The following DAZL variants were observed in gnomAD, a reference collection of about 807,000 sequenced individuals.
DAZL encodes deleted in azoospermia like.
Under a neutral mutation model 45.0 loss-of-function variants are expected in DAZL, and 4 were observed. The observed-to-expected ratio is 0.09, with a 90% CI of 0.04 to 0.20. The LOEUF (loss-of-function observed/expected upper bound fraction) is 0.20. Among genes scored for constraint, DAZL ranks in the 10% least tolerant of loss-of-function variants. DAZL has a pLI of 1.00. For synonymous variants in DAZL, 122 were observed against 112.4 expected (o/e 1.09, Z -0.54); for missense variants, 326 against 351.3 (o/e 0.93, Z 0.58).
chr3:16,597,649 T>C (rs1252330291), intron 3 of DAZL, 108 bp from the exon 4 acceptor site: 77 of 742,266 alleles, frequency 1.0e-4, no homozygotes, highest in South Asian at 9.5e-4. Context: ...TAATATACTA[T>C]GCTAAATATT....
Position 16,592,070 on chromosome 3 carries a change from TAAC to T in DAZL, c.811_813del (p.Val271del). On this transcript the variant is annotated inframe_deletion, in exon 10 of 11. Coordinates refer to ENST00000399444, the MANE Select transcript of DAZL (RefSeq NM_001351.4). ...CATACCTTGAAGTAGTCATCTTGAG[TAAC>T]AACAGAGTTTCTCAGTCTGTTCTCT... 1 of 1,613,522 alleles carries T rather than the reference TAAC, an allele frequency of 6.2e-7. No individual in the cohort carries two copies. The highest frequency in any genetic ancestry group is 1.3e-5 in the African/African-American group (1 of 75,016).
intron 2 of DAZL, 52 bp downstream of exon 2, chr3:16,598,399 AT>A (rs996279158): frequency 1.3e-5 from 20 of 1,595,306 alleles, no homozygotes; most frequent in Middle Eastern, 1.7e-4. Flanking sequence ...CAGGGCCCAA[AT>A]CCCATTATTC....
chr3:16,594,452 G>A lies in DAZL; in HGVS notation c.621+81C>T, dbSNP rs933129914. 7.5e-6 allele frequency: 8 copies of A among 1,061,800 alleles called. No individual in the cohort carries two copies. The African/African-American group carries it at 1.1e-4, about 15-fold the overall frequency. The allele number at this position is 1,061,800 out of a possible 1,614,324, so 65.8% of individuals were successfully genotyped here. A position where few individuals can be genotyped will look rare whatever the true frequency, so the allele number is the denominator to read the frequency against. ...TAAAAATATAGGCATATATGACATGGAAAACAATCAAGAAATATAGTTAAA... is the reference window on the plus strand; with the variant it reads ...TAAAAATATAGGCATATATGACATGAAAAACAATCAAGAAATATAGTTAAA... On this transcript the variant is annotated intron_variant, in intron 8 of 10. Transcript: ENST00000399444.
chr3:16,604,375 A>AG (rs554937697), intron 1 of DAZL: 14,366 of 1,365,076 alleles, frequency 0.011, 110 homozygotes, highest in Non-Finnish European at 0.012. Context: ...GTTTATCGAG[A>AG]GGGAAAAAAC....
chr3:16,596,299 T>G (rs887179261), intron 6 of DAZL, among the ~76,000 whole-genome samples: 1 of 152,064 alleles, frequency 6.6e-6, no homozygotes, highest in Non-Finnish European at 1.5e-5. Context: ...AGGATTTACA[T>G]AGTAAAACAC....
At chr3:16,598,249 T>G in intron 2 of DAZL, 71 bp from the exon 3 acceptor site, 1 of 1,441,506 alleles carries the variant, frequency 6.9e-7, no homozygotes, top group Non-Finnish European at 9.7e-7. Context: ...TAAAAGAAGG[T>G]TCGATGATGT....
chr3:16,597,157 CAGTGAT>C (rs1429296811), intron 4 of DAZL, 106 bp from the exon 5 acceptor site: 14 of 1,295,326 alleles, frequency 1.1e-5, no homozygotes, highest in Non-Finnish European at 1.5e-5. Context: ...CATAGAAGAT[CAGTGAT>C]AACTACACAC....
chr3:16,592,122 C>CG lies in DAZL; in HGVS notation c.761dup (p.Val255GlyfsTer7). 6.2e-7 allele frequency: 1 copy of CG among 1,613,476 alleles called. No individual in the cohort carries two copies. On this transcript the variant is annotated frameshift_variant, in exon 10 of 11. Transcript: ENST00000399444. LOFTEE classifies it high-confidence loss of function. Reference sequence around the variant, plus strand: ...CTGGATTAAACAGACAAGATACCACCGTTTGTATGCTTCGGTCCACAGATT... The same window carrying CG: ...CTGGATTAAACAGACAAGATACCACCGGTTTGTATGCTTCGGTCCACAGATT...
intron 3 of DAZL, 50 bp downstream of exon 3, chr3:16,598,037 G>A (rs754450700): frequency 5.6e-5 from 80 of 1,419,268 alleles, no homozygotes; most frequent in Non-Finnish European, 7.3e-5. Flanking sequence ...AGTCTTCTCT[G>A]ATACTCTATA....
Position 16,586,962 on chromosome 3 carries a change from T to A in DAZL, c.*1698A>T, listed in dbSNP as rs2125042029. On this transcript the variant is annotated 3_prime_UTR_variant, in exon 11 of 11. Transcript: ENST00000399444. Reference sequence around the variant, plus strand: ...TCACTCCAACAAAGACAAAAATTTATTCCCTTACTTTTCCTTAAGGTCATA... The same window carrying A: ...TCACTCCAACAAAGACAAAAATTTAATCCCTTACTTTTCCTTAAGGTCATA... The A allele has an allele frequency of 6.6e-6, 1 of 152,312 alleles. No individual in the cohort carries two copies. The highest frequency in any genetic ancestry group is 2.1e-4 in the South Asian group (1 of 4,826). The allele number at this position is 152,312 out of a possible 1,614,324, so 9.4% of individuals were successfully genotyped here.
chr3:16,605,182 C>T lies in DAZL; in HGVS notation c.3+21G>A, dbSNP rs768127835. The T allele has an allele frequency of 3.1e-6, 5 of 1,614,126 alleles. No homozygotes were observed. In the South Asian group the frequency reaches 4.4e-5, roughly 14 times the overall value. On this transcript the variant is annotated intron_variant, in intron 1 of 10. Coordinates refer to ENST00000399444, the MANE Select transcript of DAZL (RefSeq NM_001351.4). The stretch of plus-strand genomic sequence containing the variant: ...TGAAGACTCCGCCAGCCTTGCCCCT[C>T]GGGCCTCTCCCTCAACTCACCATGA...
chr3:16,593,024 C>T (rs1694544529), intron 9 of DAZL, among the ~76,000 whole-genome samples: 1 of 151,970 alleles, frequency 6.6e-6, no homozygotes, highest in Non-Finnish European at 1.5e-5. Context: ...CTGTTGGGAA[C>T]TACTGCCATA....
rs1018772752 is a variant in DAZL at position 16,595,446 on chromosome 3, T to C, written c.499-61A>G. Reference sequence around the variant, plus strand: ...AAAACATTTTTTAAAATTAGAAATATTATTCCCAATATAACAAAAATATGA... The same window carrying C: ...AAAACATTTTTTAAAATTAGAAATACTATTCCCAATATAACAAAAATATGA... On this transcript the variant is annotated intron_variant, in intron 6 of 10. Transcript: ENST00000399444. The C allele has an allele frequency of 1.2e-5, 12 of 971,138 alleles. No homozygotes were observed. In the Admixed American group the frequency reaches 2.4e-4, roughly 19 times the overall value. The allele number at this position is 971,138 out of a possible 1,614,324, so 60.2% of individuals were successfully genotyped here.
rs551342724 is a variant in DAZL at position 16,600,613 on chromosome 3, T to A, written c.4-2015A>T. Among the ~76,000 whole-genome samples, 18 of 152,310 alleles carry A rather than the reference T, an allele frequency of 1.2e-4. No individual in the cohort carries two copies. In the South Asian group the frequency reaches 3.7e-3, roughly 32 times the overall value. On this transcript the variant is annotated intron_variant, in intron 1 of 10. Transcript: ENST00000399444. The stretch of plus-strand genomic sequence containing the variant: ...TTCCCCCCTACAGACAATTTACCAA[T>A]CCCTTCTCAGTTCATTCAGAAATCC...
At chr3:16,597,179 T>A (rs1212141176) in intron 4 of DAZL, 128 bp from the exon 5 acceptor site, 3 of 1,187,148 alleles carry the variant, frequency 2.5e-6, no homozygotes, top group Non-Finnish European at 3.6e-6. Context: ...CACACCAAAT[T>A]AAAATTTGTC....
At chr3:16,591,385 C>T (rs1376720657) in intron 10 of DAZL, among the ~76,000 whole-genome samples, 8 of 152,002 alleles carry the variant, frequency 5.3e-5, no homozygotes, top group East Asian at 3.9e-4. Context: ...TCAGGTATAT[C>T]TTCTGAGTAA....
Position 16,594,820 on chromosome 3 carries a change from G to A in DAZL, c.571-237C>T, listed in dbSNP as rs11708409. ...TGGAGTTGGCATTGTGGAAATCTCA[G>A]AGATATTAGTTCCTTGAATTTATTA... is the stretch of plus-strand genomic sequence containing the variant. On this transcript the variant is annotated intron_variant, in intron 7 of 10. Coordinates refer to ENST00000399444, the MANE Select transcript of DAZL (RefSeq NM_001351.4). Among the ~76,000 whole-genome samples the A allele has an allele frequency of 5.2e-3, 788 of 152,132 alleles. 1 individual carries two copies. The highest frequency in any genetic ancestry group is 8.3e-3 in the Admixed American group (127 of 15,282).
At chr3:16,599,865 T>C (rs1422472585) in intron 1 of DAZL, among the ~76,000 whole-genome samples, 1 of 152,228 alleles carries the variant, frequency 6.6e-6, no homozygotes, top group African/African-American at 2.4e-5. Context: ...TACAAGCCAC[T>C]TACTTGCCAG....
intron 1 of DAZL, chr3:16,604,530 C>T (rs775987625): frequency 2.0e-6 from 3 of 1,484,608 alleles, no homozygotes; most frequent in South Asian, 1.3e-5. Context: ...CTGACAGGCG[C>T]GAGGGGACCA....
Sources: allele counts gnomAD v4.1 joint callset (sites outside exome capture counted in the v4.1 genomes callset), GRCh38; gene constraint gnomAD v4.1.1; transcripts MANE v1.5; gene names NCBI Gene and HGNC (gene_info 2026-07-23, HGNC 2026-07-21).